The following TCEA3 variants were observed in gnomAD, a reference collection of about 807,000 sequenced individuals.
The protein encoded by TCEA3 is transcription elongation factor A protein 3.
A neutral mutation model predicts 44.0 loss-of-function variants in TCEA3; 36 were observed. That is an observed-to-expected ratio of 0.82 (90% CI 0.63 to 1.08). TCEA3 has a LOEUF of 1.08. Among genes scored for constraint, TCEA3 ranks in the 50% least tolerant of loss-of-function variants. The probability of loss-of-function intolerance (pLI) is 0.00; values close to 1 mark genes in which losing one functional copy is unlikely to be tolerated. For missense variants in TCEA3, 392 were observed against 441.2 expected (o/e 0.89, Z 1.00); for synonymous variants, 162 against 159.7 (o/e 1.01, Z -0.11).
chr1:23,397,651 G>C, intron 6 of TCEA3, 50 bp from the exon 7 acceptor site: 1 of 1,606,232 alleles, frequency 6.2e-7, no homozygotes, highest in Non-Finnish European at 8.5e-7. Context: ...AACGTAGGCA[G>C]TGAAGCCTGC....
At chr1:23,413,627 T>C (rs1402393365) in intron 4 of TCEA3, among the ~76,000 whole-genome samples, 2 of 151,966 alleles carry the variant, frequency 1.3e-5, no homozygotes, top group Non-Finnish European at 2.9e-5. Context: ...AGAGACAGGG[T>C]TTCACCATGT....
chr1:23,403,919 C>CT (rs899086946), intron 5 of TCEA3: 5 of 555,666 alleles, frequency 9.0e-6, no homozygotes, highest in Non-Finnish European at 1.3e-5. Context: ...GGCAGCCACA[C>CT]TCATTTTGCT....
chr1:23,422,062 G>C (rs944817977), intron 1 of TCEA3, among the ~76,000 whole-genome samples: 1 of 152,222 alleles, frequency 6.6e-6, no homozygotes, highest in African/African-American at 2.4e-5. Flanking sequence ...GTGTGCAGCT[G>C]TGAATATGCA....
At chr1:23,418,469 G>A (rs2148584226) in intron 2 of TCEA3, among the ~76,000 whole-genome samples, 1 of 152,250 alleles carries the variant, frequency 6.6e-6, no homozygotes, top group Non-Finnish European at 1.5e-5. Flanking sequence ...GCATCATCGT[G>A]CCCAGCTAAT....
intron 5 of TCEA3, among the ~76,000 whole-genome samples, chr1:23,408,249 A>T (rs1225761189): frequency 3.3e-5 from 5 of 152,188 alleles, no homozygotes; most frequent in South Asian, 2.1e-4. Context: ...GGCATGAGCC[A>T]CTGTGCCCAG....
chr1:23,393,746 G>T, intron 8 of TCEA3, 133 bp downstream of exon 8: 1 of 1,188,688 alleles, frequency 8.4e-7, no homozygotes. Context: ...GCCCAGGGGG[G>T]AGGCTGAGAT....
chr1:23,384,353 C>T lies in TCEA3; in HGVS notation c.1031G>A (p.Arg344His), dbSNP rs754997149. ...TFVLCNECGN[R>H]WKFC ...ATACATAAACATACAGACCTTCCAG[C>T]GATTGCCACATTCATTGCATAAGAC... The change falls in exon 10 of 11, where the codon CGC becomes CAC. Residue 344 changes from arginine to histidine, a missense_variant. Transcript: ENST00000450454. 7.4e-6 allele frequency: 12 copies of T among 1,613,810 alleles called. No individual in the cohort carries two copies. The highest frequency in any genetic ancestry group is 7.6e-6 in the Non-Finnish European group (9 of 1,179,874).
In TCEA3 at chr1:23,393,963, G is replaced by A; in HGVS notation, c.735C>T (p.Leu245=). 2.5e-6 allele frequency: 4 copies of A among 1,614,040 alleles called. No individual in the cohort carries two copies. Among genetic ancestry groups the A allele is most frequent in the Non-Finnish European group, 3.4e-6 (4 of 1,179,904 alleles). The change falls in exon 8 of 11, where the codon CTC becomes CTT. Residue 245 remains leucine (L), a synonymous_variant. Transcript: ENST00000450454. The part of the protein sequence containing the change: ...RNRVRSRISN[L]KDPRNPGLRR... ...GCAGGCCGGGGTTCCTGGGGTCCTT[G>A]AGGTTGCTTATGCGGCTGCGCACGC...
chr1:23,387,015 C>A (rs1054194322), intron 9 of TCEA3, among the ~76,000 whole-genome samples: 1 of 152,152 alleles, frequency 6.6e-6, no homozygotes. Flanking sequence ...CCACCGCGCC[C>A]GGCATTTTTG....
intron 1 of TCEA3, among the ~76,000 whole-genome samples, chr1:23,423,015 G>T (rs1014910731): frequency 2.4e-4 from 36 of 152,308 alleles, no homozygotes; most frequent in African/African-American, 8.7e-4. Flanking sequence ...GAGCTGGGCT[G>T]GGATAACCCG....
At chr1:23,392,448 AC>A (rs1639072897) in intron 8 of TCEA3, among the ~76,000 whole-genome samples, 2 of 24,930 alleles carry the variant, frequency 8.0e-5, no homozygotes, top group Admixed American at 6.2e-4. Context: ...CATGCACAAT[AC>A]ACACACACTC....
At chr1:23,410,298 C>T (rs1343212476) in intron 4 of TCEA3, among the ~76,000 whole-genome samples, 1 of 152,010 alleles carries the variant, frequency 6.6e-6, no homozygotes, top group Non-Finnish European at 1.5e-5. Flanking sequence ...CGAGACTCCA[C>T]CCTGGAGAAC....
At chr1:23,415,014 CTTTTTTTTT>C (rs59946326) in intron 4 of TCEA3, among the ~76,000 whole-genome samples, 22 of 43,116 alleles carry the variant, frequency 5.1e-4, no homozygotes, top group African/African-American at 1.1e-3. Flanking sequence ...CTTTACTGTT[CTTTTTTTTT>C]TTTTTTTTTT....
At chr1:23,416,108 G>T (rs1355741258) in intron 4 of TCEA3, among the ~76,000 whole-genome samples, 3 of 149,518 alleles carry the variant, frequency 2.0e-5, no homozygotes, top group Non-Finnish European at 3.0e-5. Flanking sequence ...CCAGGTTCAA[G>T]TGATTCTCCT....
intron 1 of TCEA3, chr1:23,419,436 A>C (rs1639993296): frequency 1.7e-5 from 5 of 288,396 alleles, no homozygotes; most frequent in Admixed American, 5.2e-5. Flanking sequence ...TTCCTCCCAA[A>C]TGAATTCCTT....
intron 2 of TCEA3, among the ~76,000 whole-genome samples, chr1:23,418,455 G>A (rs1186143067): frequency 6.6e-6 from 1 of 152,198 alleles, no homozygotes; most frequent in Non-Finnish European, 1.5e-5. Flanking sequence ...GGGATTATAG[G>A]TGTGCATCAT....
chr1:23,392,660 ACACAC>A (rs1243754079), intron 8 of TCEA3, among the ~76,000 whole-genome samples: 1 of 132,844 alleles, frequency 7.5e-6, no homozygotes, highest in Non-Finnish European at 1.7e-5. Context: ...CACACATCAT[ACACAC>A]CACACACACT....
chr1:23,399,595 A>G lies in TCEA3; in HGVS notation c.444-1640T>C, dbSNP rs185023613. 3.7e-3 allele frequency among the ~76,000 whole-genome samples: 553 copies of G among 150,258 alleles called. 5 individuals are homozygous for G. Among genetic ancestry groups the G allele is most frequent in the African/African-American group, 0.011 (463 of 40,850 alleles). ...TGAGGTGGAATGATAGGAGATTTTC[A>G]TTTTCTTCGTTTGCTTATGCCTATT... On this transcript the variant is annotated intron_variant, in intron 5 of 10. Coordinates refer to ENST00000450454, the MANE Select transcript of TCEA3 (RefSeq NM_003196.3).
At chr1:23,397,165 C>T (rs927435397) in intron 7 of TCEA3, among the ~76,000 whole-genome samples, 25 of 152,140 alleles carry the variant, frequency 1.6e-4, no homozygotes, top group African/African-American at 5.3e-4. Flanking sequence ...CTGGCACAGC[C>T]GCTGAGCCTC....
Sources: allele counts gnomAD v4.1 joint callset (sites outside exome capture counted in the v4.1 genomes callset), GRCh38; gene constraint gnomAD v4.1.1; transcripts MANE v1.5; gene names NCBI Gene and HGNC (gene_info 2026-07-23, HGNC 2026-07-21).